Variants in KDM4C observed in about 807,000 individuals in gnomAD.
The protein encoded by KDM4C is lysine demethylase 4C.
A neutral mutation model predicts 129.3 loss-of-function variants in KDM4C; 81 were observed. That is an observed-to-expected ratio of 0.63 (90% confidence interval 0.52 to 0.75). The LOEUF (loss-of-function observed/expected upper bound fraction) is 0.75. Ranked by LOEUF, KDM4C falls within the 30% of genes least tolerant of loss-of-function variation. The pLI is 0.00. For missense variants in KDM4C, 1,457 were observed against 1,304.0 expected (o/e 1.12, Z -1.81); for synonymous variants, 573 against 456.1 (o/e 1.26, Z -3.26).
At chr9:6,996,481 A>G (rs1298429937) in intron 12 of KDM4C, among the ~76,000 whole-genome samples, 1 of 152,238 alleles carries the variant, frequency 6.6e-6, no homozygotes, top group African/African-American at 2.4e-5. Flanking sequence ...TCAATAAAAA[A>G]TTTCCAGCTT....
chr9:7,039,316 CCTCT>C (rs1490480173), intron 15 of KDM4C, among the ~76,000 whole-genome samples: 8 of 151,674 alleles, frequency 5.3e-5, no homozygotes, highest in Non-Finnish European at 1.2e-4. Flanking sequence ...CTGTCTTTCT[CCTCT>C]CTAATTCTGT....
intron 11 of KDM4C, among the ~76,000 whole-genome samples, chr9:6,987,224 T>C (rs932152035): frequency 6.6e-6 from 1 of 152,292 alleles, no homozygotes; most frequent in South Asian, 2.1e-4. Flanking sequence ...TCTTACTCTT[T>C]CCTCATGGAC....
chr9:7,123,794 T>G (rs2133313304), intron 18 of KDM4C, among the ~76,000 whole-genome samples: 1 of 152,238 alleles, frequency 6.6e-6, no homozygotes, highest in East Asian at 1.9e-4. Flanking sequence ...TGCCTGAATT[T>G]GACAAGAGTA....
chr9:6,786,815 A>T (rs577299749), intron 1 of KDM4C, among the ~76,000 whole-genome samples: 28 of 152,328 alleles, frequency 1.8e-4, no homozygotes, highest in African/African-American at 6.5e-4. Flanking sequence ...GGCACCTCCC[A>T]GAAAAAGAAA....
At chr9:6,739,446 T>C (rs994197429) in intron 1 of KDM4C, among the ~76,000 whole-genome samples, 1 of 152,046 alleles carries the variant, frequency 6.6e-6, no homozygotes, top group African/African-American at 2.4e-5. Flanking sequence ...ATTTGTAAAA[T>C]GACAAATCAC....
At chr9:7,009,466 T>C (rs1016341700) in intron 12 of KDM4C, among the ~76,000 whole-genome samples, 2 of 152,184 alleles carry the variant, frequency 1.3e-5, no homozygotes, top group Non-Finnish European at 2.9e-5. Flanking sequence ...TCTTTTTTTT[T>C]CACAGATTTA....
At chr9:6,815,330 A>C (rs898633672) in intron 4 of KDM4C, among the ~76,000 whole-genome samples, 2 of 152,030 alleles carry the variant, frequency 1.3e-5, no homozygotes, top group Admixed American at 6.6e-5. Context: ...TTGTCTTTTG[A>C]AACCTTCTAT....
chr9:7,061,976 G>C (rs574736473), intron 17 of KDM4C, among the ~76,000 whole-genome samples: 1 of 152,270 alleles, frequency 6.6e-6, no homozygotes, highest in East Asian at 1.9e-4. Flanking sequence ...GTCTGGTTCT[G>C]GCTTTTCTTG....
intron 2 of KDM4C, among the ~76,000 whole-genome samples, chr9:6,800,981 C>G (rs1828837741): frequency 2.0e-5 from 3 of 152,050 alleles, no homozygotes. Context: ...ATGTAGTATC[C>G]TTATATTGCT....
intron 5 of KDM4C, among the ~76,000 whole-genome samples, chr9:6,874,810 G>A (rs1033528527): frequency 6.6e-6 from 1 of 151,998 alleles, no homozygotes; most frequent in Non-Finnish European, 1.5e-5. Flanking sequence ...ATGTGGACTG[G>A]CACAGTGGCC....
At chr9:6,750,088 C>T (rs1014914502) in intron 1 of KDM4C, among the ~76,000 whole-genome samples, 2 of 148,058 alleles carry the variant, frequency 1.4e-5, no homozygotes, top group Admixed American at 6.8e-5. Flanking sequence ...AATTTGTAGA[C>T]AAGTTTAAGT....
At chr9:6,757,569 T>C (rs1818430259), upstream of KDM4C, 1 of 945,566 alleles carries the variant, frequency 1.1e-6, no homozygotes, top group African/African-American at 1.8e-5. Flanking sequence ...CCCGACTTTC[T>C]CGCCAGGCTC....
At chr9:6,964,966 G>A (rs1353046736) in intron 8 of KDM4C, among the ~76,000 whole-genome samples, 4 of 151,128 alleles carry the variant, frequency 2.6e-5, no homozygotes, top group African/African-American at 7.3e-5. Context: ...AAAAAAAAAA[G>A]CAAAGTGAAC....
intron 8 of KDM4C, among the ~76,000 whole-genome samples, chr9:6,958,702 T>TGG (rs1554666547): frequency 6.6e-6 from 1 of 150,808 alleles, no homozygotes; most frequent in African/African-American, 2.5e-5. Context: ...TTTTTTTTTT[T>TGG]GGGACAGGGT....
chr9:7,164,154 C>T (rs1001611207), intron 19 of KDM4C, among the ~76,000 whole-genome samples: 2 of 152,136 alleles, frequency 1.3e-5, no homozygotes, highest in Non-Finnish European at 1.5e-5. Context: ...TTGTCCTCAT[C>T]AGTAAAATAC....
intron 6 of KDM4C, among the ~76,000 whole-genome samples, chr9:6,887,504 A>G (rs753183008): frequency 9.2e-5 from 14 of 151,970 alleles, no homozygotes; most frequent in Non-Finnish European, 2.1e-4. Context: ...TGGGGGAACT[A>G]CTCTGTCTGC....
At chr9:6,801,207 A>C (rs546049241) in intron 2 of KDM4C, among the ~76,000 whole-genome samples, 1 of 151,162 alleles carries the variant, frequency 6.6e-6, no homozygotes, top group Non-Finnish European at 1.5e-5. Context: ...TAGAATATAA[A>C]GTAGACCATT....
intron 8 of KDM4C, among the ~76,000 whole-genome samples, chr9:6,923,242 T>G (rs201753006): frequency 6.7e-6 from 1 of 150,220 alleles, no homozygotes; most frequent in Non-Finnish European, 1.5e-5. Flanking sequence ...TTTTTTTTTT[T>G]AATCTTAAAA....
At chr9:6,962,540 A>C (rs1167632030) in intron 8 of KDM4C, among the ~76,000 whole-genome samples, 1 of 152,232 alleles carries the variant, frequency 6.6e-6, no homozygotes, top group Non-Finnish European at 1.5e-5. Flanking sequence ...ATTTTATTAA[A>C]GGAACAAGAA....
Sources: gnomAD v4.1 joint callset for allele counts (sites outside exome capture counted in the v4.1 genomes callset) on GRCh38, gnomAD v4.1.1 for gene constraint, MANE v1.5 for transcripts, NCBI Gene and HGNC (gene_info 2026-07-23, HGNC 2026-07-21) for gene names.